PACRGL: variants seen among roughly 807,000 people sequenced by gnomAD.
PACRGL encodes the protein parkin coregulated like.
Under a neutral mutation model 34.5 loss-of-function variants are expected in PACRGL, and 38 were observed. That is an observed-to-expected ratio of 1.10 (90% confidence interval 0.85 to 1.44). The LOEUF (loss-of-function observed/expected upper bound fraction) is 1.44. PACRGL is among the 40% of genes most tolerant of loss of function. The pLI is 0.00. For synonymous variants in PACRGL, 128 were observed against 100.1 expected, an observed-to-expected ratio of 1.28 and a Z score of -1.66; for missense variants, 305 against 281.4, an observed-to-expected ratio of 1.08 and a Z score of -0.60.
intron 8 of PACRGL, chr4:20,749,743 A>G (rs922388861): frequency 5.1e-6 from 8 of 1,581,714 alleles, no homozygotes; most frequent in Middle Eastern, 3.4e-4. Flanking sequence ...CTGAAATGGT[A>G]AAAAGGGAGT....
In PACRGL at chr4:20,712,996, T is replaced by TA. The variant is rs1738023961; in HGVS notation, c.501+74_501+75insA. 2.2e-6 allele frequency: 3 copies of TA among 1,352,442 alleles called. No homozygotes were observed. The Admixed American group carries it at 7.8e-5, about 35-fold the overall frequency. 83.8% of individuals were successfully genotyped at this position (1,352,442 alleles called of 1,614,324 possible). On this transcript the variant is annotated intron_variant, in intron 6 of 8. Transcript: ENST00000503585. Reference sequence around the variant, plus strand: ...AGAAAGCTGTAATATATTTAGAATATTGTATGCCTTTTTCCCTCCATATTA... The same window carrying TA: ...AGAAAGCTGTAATATATTTAGAATATATGTATGCCTTTTTCCCTCCATATTA...
rs926324017 is a variant in PACRGL, at chr4:20,727,289, G to C, written c.695G>C (p.Ser232Thr). Residue 232 changes from serine to threonine, a missense_variant, in exon 9 of 9, where the codon AGC becomes ACC. By Grantham distance (58) the Ser-to-Thr change is moderately conservative (BLOSUM62 1). Coordinates refer to ENST00000503585, the MANE Select transcript of PACRGL (RefSeq NM_001258345.3). ...QKLEQHGGSG[S>T]LSIIKSKIPT... is the part of the protein sequence containing the mutation. Reference sequence around the variant, plus strand: ...TCAATTTTTTTCTGTTGACAGGGGAGCCTTAGCATCATCAAATCTAAAATT... The same window carrying C: ...TCAATTTTTTTCTGTTGACAGGGGACCCTTAGCATCATCAAATCTAAAATT... The C allele has an allele frequency of 8.7e-6, 14 of 1,611,112 alleles. No individual in the cohort carries two copies. Among genetic ancestry groups the C allele is most frequent in the Non-Finnish European group, 1.0e-5 (12 of 1,177,632 alleles).
At chr4:20,714,435 G>A (rs1738821385) in intron 7 of PACRGL, among the ~76,000 whole-genome samples, 1 of 152,088 alleles carries the variant, frequency 6.6e-6, no homozygotes, top group Admixed American at 6.5e-5. Flanking sequence ...ACACTGATGG[G>A]TCTTGACTCT....
chr4:20,722,960 C>A (rs985112921), intron 7 of PACRGL, among the ~76,000 whole-genome samples: 1 of 152,052 alleles, frequency 6.6e-6, no homozygotes, highest in Non-Finnish European at 1.5e-5. Flanking sequence ...ATGAGAGATC[C>A]TAGAACTGTA....
At position 20,713,492 on chromosome 4, in the gene PACRGL, G is replaced by A. The variant is rs183601092; in HGVS notation, c.562G>A (p.Val188Ile). Residue 188 changes from valine to isoleucine, a missense_variant, in exon 7 of 9, where the codon GTT (valine) becomes ATT (isoleucine). By Grantham distance (29) the Val-to-Ile change is conservative. Coordinates refer to ENST00000503585, the MANE Select transcript of PACRGL (RefSeq NM_001258345.3). Reference sequence around the variant, plus strand: ...GAATGCTCTAGTTCAGCTAAGTGTCGTTGTTGGTCCTTCTCTAAACGACCA... The same window carrying A: ...GAATGCTCTAGTTCAGCTAAGTGTCATTGTTGGTCCTTCTCTAAACGACCA... ...GLNALVQLSV[V>I]VGPSLNDHLK... is the part of the protein sequence containing the mutation. 1.6e-4 allele frequency: 265 copies of A among 1,613,656 alleles called. 3 individuals carry two copies. Among genetic ancestry groups the A allele is most frequent in the South Asian group, 5.6e-4 (51 of 91,066 alleles).
chr4:20,735,311 C>T (rs545984900), downstream of PACRGL, among the ~76,000 whole-genome samples: 3 of 152,188 alleles, frequency 2.0e-5, no homozygotes, highest in East Asian at 1.9e-4. Context: ...ATCCCTTTGC[C>T]TCAATTTTCG....
chr4:20,746,914 G>A (rs896214600), intron 8 of PACRGL, among the ~76,000 whole-genome samples: 1 of 152,082 alleles, frequency 6.6e-6, no homozygotes, highest in Non-Finnish European at 1.5e-5. Flanking sequence ...TATTCAAAAT[G>A]TGTTCATTCC....
At chr4:20,763,571 C>T in the PACRGL span, among the ~76,000 whole-genome samples, 3 of 151,940 alleles carry the variant, frequency 2.0e-5, no homozygotes, top group Non-Finnish European at 2.9e-5. Context: ...ATGTGTCTAC[C>T]CCAAACAAAA....
At chr4:20,722,146 G>GGT (rs2149178995) in intron 7 of PACRGL, among the ~76,000 whole-genome samples, 1 of 152,354 alleles carries the variant, frequency 6.6e-6, no homozygotes, top group Admixed American at 6.5e-5. Flanking sequence ...ATAATCTCCT[G>GGT]GTGTGCTGTT....
downstream of PACRGL, chr4:20,734,825 T>C: frequency 1.6e-6 from 1 of 636,558 alleles, no homozygotes; most frequent in Non-Finnish European, 2.6e-6. Context: ...GCTACAACCC[T>C]CTGGATCTTG....
chr4:20,714,924 G>T, intron 7 of PACRGL, among the ~76,000 whole-genome samples: 1 of 152,096 alleles, frequency 6.6e-6, no homozygotes, highest in Non-Finnish European at 1.5e-5. Flanking sequence ...CCATTACTGG[G>T]TATATACCCA....
At chr4:20,762,582 G>T in the PACRGL span, among the ~76,000 whole-genome samples, 3 of 152,274 alleles carry the variant, frequency 2.0e-5, no homozygotes, top group South Asian at 6.2e-4. Context: ...CATAAAAGTG[G>T]TCTCTCTACT....
chr4:20,701,746 C>G (rs1732254629), intron 1 of PACRGL: 1 of 409,280 alleles, frequency 2.4e-6, no homozygotes, highest in African/African-American at 2.1e-5. Flanking sequence ...AGGACTCCCT[C>G]CCTCCCCCCA....
At chr4:20,701,101 G>C (rs1178868232) in intron 1 of PACRGL, among the ~76,000 whole-genome samples, 1 of 152,166 alleles carries the variant, frequency 6.6e-6, no homozygotes, top group Non-Finnish European at 1.5e-5. Context: ...CTTTAGTGGG[G>C]CTCTTACTTA....
chr4:20,743,972 CAAAAG>C (rs1046599371), intron 8 of PACRGL, among the ~76,000 whole-genome samples: 3 of 151,754 alleles, frequency 2.0e-5, no homozygotes, highest in Admixed American at 6.6e-5. Flanking sequence ...AGACTCTTCT[CAAAAG>C]AAGACATTTA....
At position 20,713,803 on chromosome 4, in the gene PACRGL, G is replaced by A. The variant is rs191241511; in HGVS notation, c.609+264G>A. ...TTGTTCAGTTTCCATGTAGCTGAGC[G>A]GTTTTGAGTGAGTTTCTTAATCCTG... On this transcript the variant is annotated intron_variant, in intron 7 of 8. Transcript: ENST00000503585. Among the ~76,000 whole-genome samples the A allele has an allele frequency of 5.9e-5, 9 of 152,196 alleles. No individual in the cohort carries two copies. The East Asian group carries it at 7.7e-4, about 13-fold the overall frequency.
chr4:20,716,482 A>G (rs970049207), intron 7 of PACRGL, among the ~76,000 whole-genome samples: 2 of 152,034 alleles, frequency 1.3e-5, no homozygotes, highest in African/African-American at 4.8e-5. Context: ...ATATCTCCTA[A>G]TGGTATCCCT....
chr4:20,712,929 C>T lies in PACRGL; in HGVS notation c.501+7C>T. 2 of 1,531,992 alleles carry T rather than the reference C, an allele frequency of 1.3e-6. No individual in the cohort carries two copies. The highest frequency in any genetic ancestry group is 2.6e-5 in the South Asian group (2 of 77,950). 94.9% of individuals were successfully genotyped at this position (1,531,992 alleles called of 1,614,324 possible). A position where few individuals can be genotyped will look rare whatever the true frequency, so the allele number is the denominator to read the frequency against. ...TGTGCTAAAGGCAGCTCTGGTATGT[C>T]ATTTATTTCATTGTACTTTATATTT... On this transcript the variant is annotated splice_region_variant and intron_variant, in intron 6 of 8. Transcript: ENST00000503585.
intron 7 of PACRGL, among the ~76,000 whole-genome samples, chr4:20,715,500 A>T (rs180793696): frequency 6.6e-6 from 1 of 152,148 alleles, no homozygotes; most frequent in Non-Finnish European, 1.5e-5. Flanking sequence ...TTCATAAAAC[A>T]TTTTACTAAT....
Sources: gnomAD v4.1 joint callset for allele counts (sites outside exome capture counted in the v4.1 genomes callset) on GRCh38, gnomAD v4.1.1 for gene constraint, MANE v1.5 for transcripts, NCBI Gene and HGNC (gene_info 2026-07-23, HGNC 2026-07-21) for gene names.